The following DPYD variants were observed in gnomAD, a reference collection of about 807,000 sequenced individuals.
DPYD encodes dihydropyrimidine dehydrogenase [NADP(+)].
DPYD carries 109 observed loss-of-function variants against 116.2 expected under a neutral mutation model. The ratio of observed to expected loss-of-function variants is 0.94; its 90% CI spans 0.80 to 1.10. The LOEUF (loss-of-function observed/expected upper bound fraction) is 1.10, where lower values mean the gene tolerates loss of function less well. Ranked by LOEUF, DPYD falls within the 50% of genes least tolerant of loss-of-function variation. The pLI is 0.00. For missense variants in DPYD, 1,302 were observed against 1,254.5 expected, an observed-to-expected ratio of 1.04 and a Z score of -0.57; for synonymous variants, 440 against 432.0, an observed-to-expected ratio of 1.02 and a Z score of -0.23.
chr1:97,188,877 T>G (rs1557923663), intron 20 of DPYD, among the ~76,000 whole-genome samples: 1 of 152,190 alleles, frequency 6.6e-6, no homozygotes, highest in Non-Finnish European at 1.5e-5. Context: ...CCTGTCTATC[T>G]CACTCCTTCT....
rs147594725 is a variant in DPYD, at chr1:97,852,323, G to C, written c.151-24127C>G. Among the ~76,000 whole-genome samples the C allele has an allele frequency of 3.5e-3, 528 of 152,120 alleles. 2 individuals carry two copies. Among genetic ancestry groups the C allele is most frequent in the African/African-American group, 0.012 (493 of 41,504 alleles). ...CAGACCTAAGGAGTCACATACATAA[G>C]AGTTATTATTTACTGTTATTACTAA... On this transcript the variant is annotated intron_variant, in intron 2 of 22. Transcript: ENST00000370192.
intron 20 of DPYD, among the ~76,000 whole-genome samples, chr1:97,158,107 A>T (rs1655616605): frequency 6.6e-6 from 1 of 152,086 alleles, no homozygotes; most frequent in Non-Finnish European, 1.5e-5. Context: ...TGCACCAATT[A>T]TACCCTTCAC....
intron 7 of DPYD, among the ~76,000 whole-genome samples, chr1:97,680,394 T>G (rs1660368933): frequency 6.6e-6 from 1 of 152,146 alleles, no homozygotes; most frequent in Non-Finnish European, 1.5e-5. Context: ...GGAGGATGAC[T>G]ATAAATGTCT....
At chr1:97,445,888 A>C (rs1298858450) in intron 14 of DPYD, among the ~76,000 whole-genome samples, 3 of 151,672 alleles carry the variant, frequency 2.0e-5, no homozygotes, top group Non-Finnish European at 4.4e-5. Context: ...ACCATGCCTG[A>C]CTAATTTTTT....
At chr1:97,811,526 A>G (rs1668349385) in intron 3 of DPYD, among the ~76,000 whole-genome samples, 1 of 152,190 alleles carries the variant, frequency 6.6e-6, no homozygotes, top group Non-Finnish European at 1.5e-5. Flanking sequence ...TCAAAACAAT[A>G]AATATTTCAA....
intron 7 of DPYD, among the ~76,000 whole-genome samples, chr1:97,690,567 C>T (rs1660961834): frequency 6.6e-6 from 1 of 151,928 alleles, no homozygotes; most frequent in Admixed American, 6.6e-5. Context: ...TGGGAACATT[C>T]ATCTTCAATT....
At chr1:97,706,565 G>C (rs1478077456) in intron 5 of DPYD, among the ~76,000 whole-genome samples, 1 of 151,982 alleles carries the variant, frequency 6.6e-6, no homozygotes, top group African/African-American at 2.4e-5. Flanking sequence ...TCTTTTTAGT[G>C]CCTCCATAGT....
chr1:97,358,557 G>A (rs1055931028), intron 16 of DPYD, among the ~76,000 whole-genome samples: 20 of 152,214 alleles, frequency 1.3e-4, no homozygotes, highest in African/African-American at 4.3e-4. Flanking sequence ...AGTAGGGGCC[G>A]ACAGACACCA....
intron 8 of DPYD, among the ~76,000 whole-genome samples, chr1:97,651,377 T>C (rs928856270): frequency 6.6e-6 from 1 of 152,198 alleles, no homozygotes; most frequent in Non-Finnish European, 1.5e-5. Context: ...ATTTTTCACA[T>C]GTTGCATCTC....
rs2101823058 is a variant in DPYD at position 97,192,674 on chromosome 1, C to G, written c.2622+395G>C. Among the ~76,000 whole-genome samples the G allele has an allele frequency of 1.3e-5, 2 of 152,266 alleles. 1 individual carries two copies. The highest frequency in any genetic ancestry group is 4.1e-4 in the South Asian group (2 of 4,824). On this transcript the variant is annotated intron_variant, in intron 20 of 22. Coordinates refer to ENST00000370192, the MANE Select transcript of DPYD (RefSeq NM_000110.4). ...ACTGATTAGATTTTAATTTTAAAAACTTCCTTATATTATTCAAGACTACAG... is the reference window on the plus strand; with the variant it reads ...ACTGATTAGATTTTAATTTTAAAAAGTTCCTTATATTATTCAAGACTACAG...
chr1:97,199,025 C>T (rs1343408262), intron 19 of DPYD, among the ~76,000 whole-genome samples: 2 of 152,136 alleles, frequency 1.3e-5, no homozygotes, highest in African/African-American at 4.8e-5. Flanking sequence ...AGAGGCCGAC[C>T]TGTGCAGAAC....
intron 19 of DPYD, among the ~76,000 whole-genome samples, chr1:97,219,204 G>C (rs1431801153): frequency 1.3e-5 from 2 of 152,160 alleles, no homozygotes; most frequent in African/African-American, 4.8e-5. Context: ...GTACAAAACT[G>C]AATGTCATGA....
At chr1:97,096,820 C>G (rs182089512) in intron 21 of DPYD, among the ~76,000 whole-genome samples, 1 of 152,138 alleles carries the variant, frequency 6.6e-6, no homozygotes, top group Non-Finnish European at 1.5e-5. Flanking sequence ...GGGTCCCTTT[C>G]CATGCTGTGG....
At chr1:97,499,415 T>G (rs1679452670) in intron 13 of DPYD, among the ~76,000 whole-genome samples, 1 of 151,830 alleles carries the variant, frequency 6.6e-6, no homozygotes, top group Non-Finnish European at 1.5e-5. Flanking sequence ...AAAACACCTT[T>G]TGTGTTAAAA....
intron 18 of DPYD, among the ~76,000 whole-genome samples, chr1:97,247,953 C>G (rs559727326): frequency 6.6e-6 from 1 of 152,174 alleles, no homozygotes; most frequent in African/African-American, 2.4e-5. Flanking sequence ...TAATACCGAT[C>G]TTACACAAAC....
At chr1:97,496,227 T>G (rs2101916817) in intron 13 of DPYD, among the ~76,000 whole-genome samples, 1 of 152,216 alleles carries the variant, frequency 6.6e-6, no homozygotes, top group East Asian at 1.9e-4. Flanking sequence ...CACTTTGCTC[T>G]AGATACAACC....
chr1:97,311,870 G>C (rs1177132471), intron 16 of DPYD, among the ~76,000 whole-genome samples: 2 of 151,726 alleles, frequency 1.3e-5, no homozygotes, highest in Non-Finnish European at 2.9e-5. Context: ...TAAATAGAAA[G>C]TAAATATGGT....
chr1:97,460,973 G>T (rs1428201161), intron 13 of DPYD, among the ~76,000 whole-genome samples: 1 of 151,146 alleles, frequency 6.6e-6, no homozygotes, highest in Non-Finnish European at 1.5e-5. Flanking sequence ...GGGGGTGGAG[G>T]TTGCAGTGAG....
At chr1:97,521,379 G>A (rs1262447837) in intron 12 of DPYD, among the ~76,000 whole-genome samples, 2 of 152,086 alleles carry the variant, frequency 1.3e-5, no homozygotes, top group Admixed American at 1.3e-4. Context: ...CTTCTTCAAG[G>A]AGAACTACAA....
Sources: allele counts gnomAD v4.1 joint callset (sites outside exome capture counted in the v4.1 genomes callset), GRCh38; gene constraint gnomAD v4.1.1; transcripts MANE v1.5; gene names NCBI Gene and HGNC (gene_info 2026-07-23, HGNC 2026-07-21).